Variants in CUBN observed in about 807,000 individuals in gnomAD.
CUBN encodes the protein 460 kDa receptor.
In CUBN, 282 loss-of-function variants were observed where a neutral mutation model predicts 405.3. That is an observed-to-expected ratio of 0.70 (90% CI 0.63 to 0.77). CUBN has a LOEUF of 0.77. Among genes scored for constraint, CUBN ranks in the 30% least tolerant of loss-of-function variants. The pLI, the probability that CUBN is intolerant of heterozygous loss-of-function variation, is 0.00. For missense variants in CUBN, 4,514 were observed against 4,475.2 expected (o/e 1.01, Z -0.25); for synonymous variants, 1,684 against 1,617.0 (o/e 1.04, Z -0.99).
chr10:17,041,760 A>G (rs548392134), intron 26 of CUBN, among the ~76,000 whole-genome samples: 6 of 152,264 alleles, frequency 3.9e-5, no homozygotes, highest in South Asian at 2.1e-4. Flanking sequence ...AATTCACAAT[A>G]AAGGCTCCGT....
At chr10:17,037,867 A>G (rs1005307033) in intron 27 of CUBN, among the ~76,000 whole-genome samples, 1 of 151,456 alleles carries the variant, frequency 6.6e-6, no homozygotes, top group Non-Finnish European at 1.5e-5. Flanking sequence ...CCAGAGTCAC[A>G]TTGATCTCCA....
chr10:16,880,374 G>C (rs1365035731), intron 56 of CUBN, among the ~76,000 whole-genome samples: 1 of 152,222 alleles, frequency 6.6e-6, no homozygotes, highest in East Asian at 1.9e-4. Flanking sequence ...AACTGAGTAA[G>C]AGTCAATGGT....
chr10:16,828,782 TATAAA>T lies in CUBN; in HGVS notation c.10764+18_10764+22del. On this transcript the variant is annotated intron_variant, in intron 66 of 66. Coordinates refer to ENST00000377833, the MANE Select transcript of CUBN (RefSeq NM_001081.4). ...ATTGTCTAAAAATAACAAATGGGAATATAAAATGTTTGTTTTACTCACGCCTCCGC... is the reference window on the plus strand; with the variant it reads ...ATTGTCTAAAAATAACAAATGGGAATATGTTTGTTTTACTCACGCCTCCGC... The T allele has an allele frequency of 6.6e-7, 1 of 1,513,170 alleles. No homozygotes were observed. The highest frequency in any genetic ancestry group is 9.2e-7 in the Non-Finnish European group (1 of 1,088,506). The allele number at this position is 1,513,170 out of a possible 1,614,324, so 93.7% of individuals were successfully genotyped here. A position where few individuals can be genotyped will look rare whatever the true frequency, so the allele number is the denominator to read the frequency against.
chr10:16,954,028 G>A (rs1842987051), intron 32 of CUBN, among the ~76,000 whole-genome samples: 1 of 152,160 alleles, frequency 6.6e-6, no homozygotes, highest in Non-Finnish European at 1.5e-5. Context: ...TCCAGGGGCT[G>A]GCATCTGAAT....
At chr10:16,863,326 C>T (rs1312256925) in intron 59 of CUBN, among the ~76,000 whole-genome samples, 2 of 152,162 alleles carry the variant, frequency 1.3e-5, no homozygotes, top group African/African-American at 2.4e-5. Context: ...AGTTTCAGCT[C>T]ATCTCATTCT....
In CUBN at chr10:16,965,321, G is replaced by A. The variant is rs111652285; in HGVS notation, c.4696-10773C>T. Among the ~76,000 whole-genome samples the A allele has an allele frequency of 6.5e-3, 986 of 152,288 alleles. 18 individuals are homozygous for A. Among genetic ancestry groups the A allele is most frequent in the African/African-American group, 0.023 (935 of 41,552 alleles). The stretch of plus-strand genomic sequence containing the variant: ...TAACATCACATACTAAAGTAAAGCT[G>A]AGCATACATTTTTAAATTGCACGAA... On this transcript the variant is annotated intron_variant, in intron 31 of 66. Transcript: ENST00000377833.
In CUBN at chr10:17,026,403, C is replaced by A. The variant is rs369616648; in HGVS notation, c.4018-6420G>T. ...ATCCCAGCCCTTAGGGAAGCCGAAG[C>A]GGGTGATCACTTGAGGCCAGGAGTT... On this transcript the variant is annotated intron_variant, in intron 27 of 66. Coordinates refer to ENST00000377833, the MANE Select transcript of CUBN (RefSeq NM_001081.4). Among the ~76,000 whole-genome samples, 15 of 152,182 alleles carry A rather than the reference C, an allele frequency of 9.9e-5. No individual in the cohort carries two copies. The East Asian group carries it at 2.3e-3, about 24-fold the overall frequency.
intron 22 of CUBN, among the ~76,000 whole-genome samples, chr10:17,062,265 T>A (rs1835520264): frequency 6.6e-6 from 1 of 152,222 alleles, no homozygotes. Context: ...AGATGTTACA[T>A]AGGTTTTCCT....
At chr10:17,112,253 G>T (rs553431902) in intron 8 of CUBN, among the ~76,000 whole-genome samples, 1 of 151,942 alleles carries the variant, frequency 6.6e-6, no homozygotes, top group East Asian at 1.9e-4. Flanking sequence ...TCATATTTGT[G>T]CATGGCAAAA....
intron 13 of CUBN, among the ~76,000 whole-genome samples, chr10:17,102,609 T>A (rs34620578): frequency 0.3 from 40,363 of 136,758 alleles, 7,378 homozygotes; most frequent in East Asian, 0.51. Context: ...TTTTTTTTTT[T>A]TTTTTTTTTT....
intron 48 of CUBN, among the ~76,000 whole-genome samples, chr10:16,909,731 C>T (rs1841667045): frequency 6.6e-6 from 1 of 152,208 alleles, no homozygotes. Flanking sequence ...GAATGCAATT[C>T]CCATCATTGT....
At position 16,900,773 on chromosome 10, in the gene CUBN, G is replaced by C; in HGVS notation, c.8262C>G (p.Ser2754=). ...WDSVTVRNGG[S]PESPIIGQYC... ...ATTGTCCTATGATGGGTGATTCAGG[G>C]GACCCACCATTCCTGACAGTGACAG... The change falls in exon 53 of 67, where the codon TCC becomes TCG. Residue 2754 remains serine, a synonymous_variant. Transcript: ENST00000377833. 6.2e-7 allele frequency: 1 copy of C among 1,613,946 alleles called. No individual in the cohort carries two copies. The highest frequency in any genetic ancestry group is 8.5e-7 in the Non-Finnish European group (1 of 1,179,878).
intron 32 of CUBN, 65 bp from the exon 33 acceptor site, chr10:16,952,454 AT>A (rs1842947986): frequency 1.0e-6 from 1 of 985,996 alleles, no homozygotes; most frequent in African/African-American, 1.6e-5. Context: ...GTACAAAACA[AT>A]TATTTGATGA....
chr10:16,827,142 A>C (rs1193991485), intron 66 of CUBN, among the ~76,000 whole-genome samples: 1 of 152,176 alleles, frequency 6.6e-6, no homozygotes, highest in Admixed American at 6.5e-5. Context: ...AAGTTTATTA[A>C]GTGTTGTCTG....
At chr10:16,930,548 AT>A (rs1842333336) in intron 40 of CUBN, among the ~76,000 whole-genome samples, 1 of 152,176 alleles carries the variant, frequency 6.6e-6, no homozygotes, top group Non-Finnish European at 1.5e-5. Context: ...AGGATTACTG[AT>A]TTTTTTATAC....
At chr10:17,114,374 C>T (rs1836840146) in intron 7 of CUBN, among the ~76,000 whole-genome samples, 185 bp from the exon 8 acceptor site, 1 of 152,146 alleles carries the variant, frequency 6.6e-6, no homozygotes, top group African/African-American at 2.4e-5. Flanking sequence ...AAAAGGGAAA[C>T]ATCTTTATTT....
In CUBN at chr10:16,840,366, G is replaced by A. The variant is rs2131319214; in HGVS notation, c.9996C>T (p.Cys3332=). ...VWALQLTSQD[C]TQNYLQLQDS... is the part of the protein sequence containing the mutation. The stretch of plus-strand genomic sequence containing the variant: ...CCTGAAGCTGTAAGTAATTCTGCGT[G>A]CAGTCTTGCGAGGTCAGCTGTAATG... The change falls in exon 62 of 67, where the codon TGC becomes TGT. Residue 3332 remains cysteine, a synonymous_variant. Coordinates refer to ENST00000377833, the MANE Select transcript of CUBN (RefSeq NM_001081.4). The A allele has an allele frequency of 6.2e-7, 1 of 1,614,166 alleles. No homozygotes were observed. The highest frequency in any genetic ancestry group is 2.2e-5 in the East Asian group (1 of 44,890).
chr10:16,918,690 A>C lies in CUBN; in HGVS notation c.6932T>G (p.Val2311Gly). 1 of 1,612,778 alleles carries C rather than the reference A, an allele frequency of 6.2e-7. No individual in the cohort carries two copies. Among genetic ancestry groups the C allele is most frequent in the Non-Finnish European group, 8.5e-7 (1 of 1,178,852 alleles). Residue 2311 changes from valine to glycine, a missense_variant, in exon 45 of 67, where the codon GTT becomes GGT. This residue lies in a region of CUBN where 1,613 missense variants were observed against 1,542.8 expected (regional missense o/e 1.05). Transcript: ENST00000377833. ...GTCAGATCGAAATCTCAAATACATA[A>C]CCTCTCCTGAGGACCACTGACTGCT... ...LPSSQWSSGE[V>G]MYLRFRSDNS...
chr10:16,947,957 TC>T (rs763615042), intron 35 of CUBN, among the ~76,000 whole-genome samples: 3 of 152,188 alleles, frequency 2.0e-5, no homozygotes, highest in Non-Finnish European at 2.9e-5. Flanking sequence ...ACACCTGTAA[TC>T]CCACCACTTT....
Sources: allele counts gnomAD v4.1 joint callset (sites outside exome capture counted in the v4.1 genomes callset), GRCh38; gene constraint gnomAD v4.1.1; regional missense constraint gnomAD v4.1.1; transcripts MANE v1.5; gene names NCBI Gene and HGNC (gene_info 2026-07-23, HGNC 2026-07-21).